Variants in TMEM132E observed in about 807,000 individuals in gnomAD.
The protein encoded by TMEM132E is transmembrane protein 132E.
Under a neutral mutation model 78.5 loss-of-function variants are expected in TMEM132E, and 49 were observed. That is an observed-to-expected ratio of 0.62 (90% CI 0.50 to 0.79). TMEM132E has a LOEUF of 0.79. Among genes scored for constraint, TMEM132E ranks in the 30% least tolerant of loss-of-function variants. The pLI, the probability that TMEM132E is intolerant of heterozygous loss-of-function variation, is 0.00. For synonymous variants in TMEM132E, 715 were observed against 670.6 expected, an observed-to-expected ratio of 1.07 and a Z score of -1.02; for missense variants, 1,403 against 1,470.9, an observed-to-expected ratio of 0.95 and a Z score of 0.75.
chr17:34,634,203 C>T (rs1907443037), intron 6 of TMEM132E, among the ~76,000 whole-genome samples: 1 of 152,192 alleles, frequency 6.6e-6, no homozygotes, highest in African/African-American at 2.4e-5. Flanking sequence ...TTGCAACGTG[C>T]ACAGGCTGAG....
intron 2 of TMEM132E, 72 bp downstream of exon 2, chr17:34,627,129 G>A: frequency 7.0e-7 from 1 of 1,418,962 alleles, no homozygotes; most frequent in Non-Finnish European, 9.8e-7. Flanking sequence ...CTTGTGGGTG[G>A]GTTGGGGGGT....
intron 2 of TMEM132E, among the ~76,000 whole-genome samples, chr17:34,627,467 C>CGTGAGGTGTGTGTGTGT (rs1907191489): frequency 7.9e-6 from 1 of 126,470 alleles, no homozygotes; most frequent in African/African-American, 3.0e-5. Context: ...CCAAAAGAAT[C>CGTGAGGTGTGTGTGTGT]GTGTGTGTGT....
At chr17:34,583,102 C>T (rs1905550869) in intron 1 of TMEM132E, among the ~76,000 whole-genome samples, 1 of 152,248 alleles carries the variant, frequency 6.6e-6, no homozygotes. Context: ...CCAGTGCCCT[C>T]TCTGTGCCCC....
In TMEM132E at chr17:34,626,257, C is replaced by T. The variant is rs761740460; in HGVS notation, c.198C>T (p.Pro66=). The part of the protein sequence containing the change: ...FFLREARPPS[P]AVANSSLQRS... ...TGCGGGAGGCGCGGCCCCCGTCACCCGCGGTCGCCAACAGCTCTCTGCAGC... is the reference window on the plus strand; with the variant it reads ...TGCGGGAGGCGCGGCCCCCGTCACCTGCGGTCGCCAACAGCTCTCTGCAGC... Residue 66 remains proline (P), a synonymous_variant, in exon 2 of 9, where the codon CCC becomes CCT. Coordinates refer to ENST00000631683, the MANE Select transcript of TMEM132E (RefSeq NM_001304438.2). The T allele has an allele frequency of 3.3e-5, 53 of 1,602,246 alleles. No homozygotes were observed. The highest frequency in any genetic ancestry group is 4.4e-5 in the Non-Finnish European group (52 of 1,175,160).
chr17:34,584,946 T>C (rs1284426588), intron 1 of TMEM132E, among the ~76,000 whole-genome samples: 1 of 152,154 alleles, frequency 6.6e-6, no homozygotes, highest in African/African-American at 2.4e-5. Flanking sequence ...TCCTGCGGGT[T>C]GTGTCCACAC....
intron 1 of TMEM132E, among the ~76,000 whole-genome samples, chr17:34,605,424 C>G (rs978261095): frequency 6.6e-6 from 1 of 152,176 alleles, no homozygotes; most frequent in African/African-American, 2.4e-5. Context: ...CCCTCACCAT[C>G]CAGAACAGGC....
chr17:34,600,385 C>G (rs906382363), intron 1 of TMEM132E, among the ~76,000 whole-genome samples: 2 of 150,842 alleles, frequency 1.3e-5, no homozygotes, highest in Non-Finnish European at 2.9e-5. Flanking sequence ...TTCTAAAGAA[C>G]TTTTGATAAG....
At chr17:34,628,121 C>T (rs535595795) in intron 2 of TMEM132E, among the ~76,000 whole-genome samples, 2 of 152,334 alleles carry the variant, frequency 1.3e-5, no homozygotes, top group African/African-American at 2.4e-5. Flanking sequence ...CACCTACTCA[C>T]CTCGCCAGCT....
In TMEM132E at chr17:34,638,257, C is replaced by A. The variant is rs778078289; in HGVS notation, c.*25C>A. 7.8e-5 allele frequency: 61 copies of A among 785,188 alleles called. No homozygotes were observed. The South Asian group carries it at 1.0e-3, about 13-fold the overall frequency. The allele number at this position is 785,188 out of a possible 1,614,324, so 48.6% of individuals were successfully genotyped here. A position where few individuals can be genotyped will look rare whatever the true frequency, so the allele number is the denominator to read the frequency against. On this transcript the variant is annotated 3_prime_UTR_variant, in exon 9 of 9. Coordinates refer to ENST00000631683, the MANE Select transcript of TMEM132E (RefSeq NM_001304438.2). ...GAGGCGCCAGCCGGAGTAGCAGGGACCCCCCCCCCCAACGGGGTCAGCTCG... is the reference window on the plus strand; with the variant it reads ...GAGGCGCCAGCCGGAGTAGCAGGGAACCCCCCCCCCAACGGGGTCAGCTCG...
chr17:34,605,891 A>G (rs1003984991), intron 1 of TMEM132E, among the ~76,000 whole-genome samples: 1 of 152,144 alleles, frequency 6.6e-6, no homozygotes, highest in Non-Finnish European at 1.5e-5. Context: ...TTGTGCGAGC[A>G]TGTTTCCAAC....
In TMEM132E at chr17:34,638,434, C is replaced by G. The variant is rs957876537; in HGVS notation, c.*202C>G. 1.1e-5 allele frequency: 6 copies of G among 531,948 alleles called. No homozygotes were observed. The highest frequency in any genetic ancestry group is 3.9e-5 in the African/African-American group (2 of 51,066). The allele number at this position is 531,948 out of a possible 1,614,324, so 33.0% of individuals were successfully genotyped here. The stretch of plus-strand genomic sequence containing the variant: ...CTCACGCCATTACCCTCTTCTGCCC[C>G]CTGCAGGTGGAGGGCTCTTCCTCCA... On this transcript the variant is annotated 3_prime_UTR_variant, in exon 9 of 9. Coordinates refer to ENST00000631683, the MANE Select transcript of TMEM132E (RefSeq NM_001304438.2).
At chr17:34,605,979 G>A (rs1193716928) in intron 1 of TMEM132E, among the ~76,000 whole-genome samples, 3 of 152,226 alleles carry the variant, frequency 2.0e-5, no homozygotes, top group African/African-American at 7.2e-5. Context: ...AGGAGGTGGA[G>A]AAGTAGATTC....
intron 1 of TMEM132E, among the ~76,000 whole-genome samples, chr17:34,582,477 T>C (rs1310567900): frequency 1.3e-5 from 2 of 150,490 alleles, no homozygotes; most frequent in Non-Finnish European, 3.0e-5. Context: ...GACCTCCCTC[T>C]ATGGGTGGCT....
intron 6 of TMEM132E, 132 bp from the exon 7 acceptor site, chr17:34,634,667 C>A: frequency 1.8e-6 from 2 of 1,084,196 alleles, no homozygotes; most frequent in Non-Finnish European, 2.6e-6. Context: ...AAGGCATGAG[C>A]CATAGAGGAA....
In TMEM132E at chr17:34,581,010, GC is replaced by G; in HGVS notation, c.-64del. On this transcript the variant is annotated 5_prime_UTR_variant, in exon 1 of 9. Coordinates refer to ENST00000631683, the MANE Select transcript of TMEM132E (RefSeq NM_001304438.2). ...GCAGCCCTGAGTTGGATGTGACCAA[GC>G]CCAGCCTGGGGCCAAGTCGTCGTCG... The G allele has an allele frequency of 7.1e-7, 1 of 1,411,430 alleles. No individual in the cohort carries two copies. The allele number at this position is 1,411,430 out of a possible 1,614,324, so 87.4% of individuals were successfully genotyped here.
At chr17:34,606,373 GA>G (rs1239248905) in intron 1 of TMEM132E, among the ~76,000 whole-genome samples, 11 of 152,152 alleles carry the variant, frequency 7.2e-5, no homozygotes, top group African/African-American at 2.2e-4. Context: ...AAAAATAAAA[GA>G]TTGAGACTGA....
intron 1 of TMEM132E, among the ~76,000 whole-genome samples, chr17:34,617,201 A>T (rs1370946578): frequency 6.6e-6 from 1 of 152,186 alleles, no homozygotes; most frequent in Non-Finnish European, 1.5e-5. Flanking sequence ...CTCTTCTCCC[A>T]AAGAAAGAAG....
chr17:34,613,211 A>ACACACACGCGCGCGCGCG lies in TMEM132E; in HGVS notation c.68-12915_68-12914insACACACGCGCGCGCGCGC. Among the ~76,000 whole-genome samples the ACACACACGCGCGCGCGCG allele has an allele frequency of 4.7e-4, 54 of 115,846 alleles. 1 individual carries two copies. Among genetic ancestry groups the ACACACACGCGCGCGCGCG allele is most frequent in the Admixed American group, 1.4e-3 (14 of 10,104 alleles). The allele number at this position is 115,846 out of a possible 152,430, so 76.0% of individuals were successfully genotyped here. A position where few individuals can be genotyped will look rare whatever the true frequency, so the allele number is the denominator to read the frequency against. ...CACACACACACCCACACACACACAC[A>ACACACACGCGCGCGCGCG]CGCGCGCGCGCGCGCGTTCTTACAT... On this transcript the variant is annotated intron_variant, in intron 1 of 8. Coordinates refer to ENST00000631683, the MANE Select transcript of TMEM132E (RefSeq NM_001304438.2).
chr17:34,620,104 C>A (rs1026804559), intron 1 of TMEM132E, among the ~76,000 whole-genome samples: 19 of 152,216 alleles, frequency 1.2e-4, no homozygotes, highest in Non-Finnish European at 1.0e-4. Flanking sequence ...GGGGAGCCCC[C>A]ACCCCTAGCC....
Sources: gnomAD v4.1 joint callset for allele counts (sites outside exome capture counted in the v4.1 genomes callset) on GRCh38, gnomAD v4.1.1 for gene constraint, MANE v1.5 for transcripts, NCBI Gene and HGNC (gene_info 2026-07-23, HGNC 2026-07-21) for gene names.